Variants in USP3 observed in about 807,000 individuals in gnomAD.
USP3 encodes the protein ubiquitin specific peptidase 3, also known as ubiquitin carboxyl-terminal hydrolase 3.
USP3 carries 20 observed loss-of-function variants against 72.3 expected under a neutral mutation model. That is an observed-to-expected ratio of 0.28 (90% CI 0.19 to 0.40). The LOEUF (loss-of-function observed/expected upper bound fraction) is 0.40, where lower values mean the gene tolerates loss of function less well. Among genes scored for constraint, USP3 ranks in the 10% least tolerant of loss-of-function variants. The probability of loss-of-function intolerance (pLI) is 1.00; values close to 1 mark genes in which losing one functional copy is unlikely to be tolerated. For missense variants in USP3, 479 were observed against 633.9 expected (o/e 0.76, Z 2.62); for synonymous variants, 222 against 225.3 (o/e 0.99, Z 0.13).
intron 11 of USP3, among the ~76,000 whole-genome samples, chr15:63,586,397 G>A (rs2067063291): frequency 6.6e-6 from 1 of 152,116 alleles, no homozygotes; most frequent in African/African-American, 2.4e-5. Context: ...AAAATTCTGT[G>A]TTTCCTTTCC....
chr15:63,582,556 T>G (rs1445433201), intron 11 of USP3, among the ~76,000 whole-genome samples: 2 of 152,214 alleles, frequency 1.3e-5, no homozygotes, highest in Non-Finnish European at 2.9e-5. Context: ...CCTGACCTGA[T>G]CATGTCTATT....
chr15:63,549,924 TGTG>T (rs755504608), intron 3 of USP3, among the ~76,000 whole-genome samples: 35 of 152,364 alleles, frequency 2.3e-4, no homozygotes, highest in South Asian at 1.0e-3. Flanking sequence ...TAGCTAATAA[TGTG>T]GTCATTAAAT....
chr15:63,523,008 A>G (rs368293147), intron 1 of USP3, among the ~76,000 whole-genome samples: 3 of 152,302 alleles, frequency 2.0e-5, no homozygotes, highest in South Asian at 2.1e-4. Context: ...TCTAAACCTT[A>G]TCTGTTAAAA....
At chr15:63,538,607 C>G (rs1238321226) in intron 3 of USP3, among the ~76,000 whole-genome samples, 3 of 149,716 alleles carry the variant, frequency 2.0e-5, no homozygotes, top group Non-Finnish European at 4.4e-5. Context: ...AGTGCAGTGG[C>G]CGATCTCCGC....
intron 7 of USP3, among the ~76,000 whole-genome samples, chr15:63,560,286 G>T (rs1224164447): frequency 6.6e-6 from 1 of 151,772 alleles, no homozygotes; most frequent in Non-Finnish European, 1.5e-5. Flanking sequence ...CATGGTGGCG[G>T]GTACCTGTAA....
intron 1 of USP3, among the ~76,000 whole-genome samples, chr15:63,507,448 A>C (rs1344444677): frequency 6.6e-6 from 1 of 152,232 alleles, no homozygotes; most frequent in African/African-American, 2.4e-5. Context: ...AGGATGAACA[A>C]GGTAATTTTT....
In USP3 at chr15:63,574,133, A is replaced by C. The variant is rs1257961900; in HGVS notation, c.996A>C (p.Arg332Ser). Residue 332 changes from arginine to serine, a missense_variant, in exon 10 of 15, where the codon AGA (arginine) becomes AGC (serine). Transcript: ENST00000380324. The surrounding 1 kb of genome is among the most constrained non-coding windows in gnomAD (Gnocchi z 4.6). ...GCCTCATATGTGGGACAGAATCTAG[A>C]AAGTTTGATCCATTCCTAGGTAAGA... ...VNCLICGTES[R>S]KFDPFLDLSL... 2.5e-6 allele frequency: 4 copies of C among 1,592,138 alleles called. No individual in the cohort carries two copies. The highest frequency in any genetic ancestry group is 3.4e-5 in the Admixed American group (2 of 58,934).
chr15:63,566,383 C>T (rs951193205), intron 8 of USP3, among the ~76,000 whole-genome samples: 3 of 151,586 alleles, frequency 2.0e-5, no homozygotes, highest in African/African-American at 7.3e-5. Context: ...GATCTGGGCT[C>T]ACTGCAGGAT....
Position 63,590,885 on chromosome 15 carries a change from A to C in USP3, c.*59A>C. On this transcript the variant is annotated 3_prime_UTR_variant, in exon 15 of 15. Transcript: ENST00000380324. Reference sequence around the variant, plus strand: ...CAGAGAAACATTTCCAGTTTTCCACAAATACTTGATACAAGATTTAATTTC... The same window carrying C: ...CAGAGAAACATTTCCAGTTTTCCACCAATACTTGATACAAGATTTAATTTC... The C allele has an allele frequency of 6.6e-7, 1 of 1,503,844 alleles. No individual in the cohort carries two copies. The highest frequency in any genetic ancestry group is 8.9e-7 in the Non-Finnish European group (1 of 1,121,536). The allele number at this position is 1,503,844 out of a possible 1,614,324, so 93.2% of individuals were successfully genotyped here.
rs201842716 is a variant in USP3 at position 63,544,044 on chromosome 15, T to TAAA, written c.284+6901_284+6903dup. On this transcript the variant is annotated intron_variant, in intron 3 of 14. Coordinates refer to ENST00000380324, the MANE Select transcript of USP3 (RefSeq NM_006537.4). This position sits in a 1 kb window ranked among gnomAD's most constrained non-coding sequence, Gnocchi z 4.2. ...GGGCAACACAGGGAGACACTGTCTTTAAAAAAAAAAAAAAAGGAAATTAGT... is the reference window on the plus strand; with the variant it reads ...GGGCAACACAGGGAGACACTGTCTTTAAAAAAAAAAAAAAAAAAGGAAATTAGT... Among the ~76,000 whole-genome samples, 1 of 134,168 alleles carries TAAA rather than the reference T, an allele frequency of 7.5e-6. No individual in the cohort carries two copies. The highest frequency in any genetic ancestry group is 2.4e-4 in the South Asian group (1 of 4,184). The allele number at this position is 134,168 out of a possible 152,430, so 88.0% of individuals were successfully genotyped here. A position where few individuals can be genotyped will look rare whatever the true frequency, so the allele number is the denominator to read the frequency against.
rs1409935822 is a variant in USP3 at position 63,561,279 on chromosome 15, G to T, written c.647+1309G>T. ...ACTTGATGCATTCATGTCATGCAGGGTTGAGTTGCAGGCTGTAGAAATTGC... is the reference window on the plus strand; with the variant it reads ...ACTTGATGCATTCATGTCATGCAGGTTTGAGTTGCAGGCTGTAGAAATTGC... On this transcript the variant is annotated intron_variant, in intron 7 of 14. Transcript: ENST00000380324. Among the ~76,000 whole-genome samples, 13 of 152,316 alleles carry T rather than the reference G, an allele frequency of 8.5e-5. No individual in the cohort carries two copies. The East Asian group carries it at 2.3e-3, about 27-fold the overall frequency.
chr15:63,577,392 T>C (rs1294250250), intron 11 of USP3, among the ~76,000 whole-genome samples: 4 of 152,062 alleles, frequency 2.6e-5, no homozygotes, highest in African/African-American at 9.7e-5. Context: ...TTTGGAAGGC[T>C]AAGGTGGGAG....
intron 3 of USP3, among the ~76,000 whole-genome samples, chr15:63,548,883 A>G (rs1413954363): frequency 2.6e-5 from 4 of 152,218 alleles, no homozygotes; most frequent in Non-Finnish European, 4.4e-5. Context: ...TTATAGTTCA[A>G]TAAAGTTAAT....
At chr15:63,554,165 G>A (rs1455672413) in intron 4 of USP3, among the ~76,000 whole-genome samples, 1 of 152,134 alleles carries the variant, frequency 6.6e-6, no homozygotes, top group Non-Finnish European at 1.5e-5. Context: ...CCTGTCAAAT[G>A]TATTATGAGG....
Position 63,570,430 on chromosome 15 carries a change from T to C in USP3, c.762-3T>C, listed in dbSNP as rs370468864. On this transcript the variant is annotated splice_polypyrimidine_tract_variant and splice_region_variant and intron_variant, in intron 8 of 14. Coordinates refer to ENST00000380324, the MANE Select transcript of USP3 (RefSeq NM_006537.4). This position sits in a 1 kb window ranked among gnomAD's most constrained non-coding sequence, Gnocchi z 4.4. Reference sequence around the variant, plus strand: ...CTTATAAGTGACTGTTTGTTTGCTTTAGGGGCTATCAACAGCAGGACGCCC... The same window carrying C: ...CTTATAAGTGACTGTTTGTTTGCTTCAGGGGCTATCAACAGCAGGACGCCC... 8 of 1,613,982 alleles carry C rather than the reference T, an allele frequency of 5.0e-6. No homozygotes were observed. The highest frequency in any genetic ancestry group is 6.8e-6 in the Non-Finnish European group (8 of 1,180,036).
In USP3 at chr15:63,556,657, G is replaced by A; in HGVS notation, c.369-10G>A. ...AATAACTTTTTCACTATCTGTTTGT[G>A]TTTTAATAGCTCAGCTTTCACAGCT... On this transcript the variant is annotated splice_polypyrimidine_tract_variant and intron_variant, in intron 4 of 14. Transcript: ENST00000380324. 1 of 1,596,530 alleles carries A rather than the reference G, an allele frequency of 6.3e-7. No homozygotes were observed. Among genetic ancestry groups the A allele is most frequent in the Non-Finnish European group, 8.5e-7 (1 of 1,172,006 alleles).
At chr15:63,547,943 T>C (rs2066375710) in intron 3 of USP3, among the ~76,000 whole-genome samples, 1 of 142,130 alleles carries the variant, frequency 7.0e-6, no homozygotes. Context: ...GCCCAGCACT[T>C]TGGGAAGCAG....
intron 3 of USP3, among the ~76,000 whole-genome samples, chr15:63,541,527 T>G (rs527539738): frequency 5.1e-4 from 77 of 152,258 alleles, no homozygotes; most frequent in African/African-American, 1.3e-3. Context: ...GAGATAATCT[T>G]AAAACATAAA....
At chr15:63,508,057 G>GA (rs2065736169) in intron 1 of USP3, among the ~76,000 whole-genome samples, 1 of 152,120 alleles carries the variant, frequency 6.6e-6, no homozygotes. Flanking sequence ...AGTCTCTTGA[G>GA]ATGTCACATC....
Sources: gnomAD v4.1 joint callset for allele counts (sites outside exome capture counted in the v4.1 genomes callset) on GRCh38, gnomAD v4.1.1 for gene constraint, Gnocchi (gnomAD v3.1) non-coding constraint, MANE v1.5 for transcripts, NCBI Gene and HGNC (gene_info 2026-07-23, HGNC 2026-07-21) for gene names.